The following SEMA5A variants were observed in gnomAD, a reference collection of about 807,000 sequenced individuals.
SEMA5A encodes the protein semaphorin-5A.
Under a neutral mutation model 135.5 loss-of-function variants are expected in SEMA5A, and 55 were observed. That is an observed-to-expected ratio of 0.41 (90% confidence interval 0.33 to 0.51). The LOEUF (loss-of-function observed/expected upper bound fraction) is 0.51, where lower values mean the gene tolerates loss of function less well. Among genes scored for constraint, SEMA5A ranks in the 20% least tolerant of loss-of-function variants. SEMA5A has a pLI of 0.37. For synonymous variants in SEMA5A, 580 were observed against 546.5 expected (o/e 1.06, Z -0.85); for missense variants, 1,290 against 1,419.9 (o/e 0.91, Z 1.47).
chr5:9,143,942 A>AC (rs1380085286), intron 12 of SEMA5A, among the ~76,000 whole-genome samples: 1 of 152,218 alleles, frequency 6.6e-6, no homozygotes, highest in African/African-American at 2.4e-5. Flanking sequence ...GTACCAGGGG[A>AC]CCAAAACCAG....
At chr5:9,353,553 G>A (rs2126317554) in intron 3 of SEMA5A, among the ~76,000 whole-genome samples, 1 of 152,230 alleles carries the variant, frequency 6.6e-6, no homozygotes, top group South Asian at 2.1e-4. Flanking sequence ...GATTAGCTTA[G>A]AAAGAGCCCC....
chr5:9,318,540 A>G, intron 4 of SEMA5A, 123 bp from the exon 5 acceptor site: 1 of 769,838 alleles, frequency 1.3e-6, no homozygotes, highest in Non-Finnish European at 2.1e-6. Context: ...CTTTCTAAGA[A>G]TATGTTCAGC....
At chr5:9,293,541 T>G (rs1751188697) in intron 5 of SEMA5A, among the ~76,000 whole-genome samples, 1 of 152,246 alleles carries the variant, frequency 6.6e-6, no homozygotes, top group African/African-American at 2.4e-5. Flanking sequence ...ATTGCTGCTT[T>G]TTAACAGTAG....
intron 2 of SEMA5A, among the ~76,000 whole-genome samples, chr5:9,412,975 G>A (rs1290086704): frequency 1.3e-5 from 2 of 152,064 alleles, no homozygotes; most frequent in East Asian, 3.9e-4. Context: ...ACAATCTCTG[G>A]TGTTTCGTTC....
chr5:9,240,736 C>A (rs891912865), intron 5 of SEMA5A, among the ~76,000 whole-genome samples: 61 of 151,996 alleles, frequency 4.0e-4, no homozygotes, highest in African/African-American at 1.4e-3. Context: ...CTTAATCAAG[C>A]CTTCTCTTTC....
At chr5:9,401,998 T>C (rs538128756) in intron 2 of SEMA5A, among the ~76,000 whole-genome samples, 1 of 152,310 alleles carries the variant, frequency 6.6e-6, no homozygotes, top group Admixed American at 6.5e-5. Flanking sequence ...GAAAATTGTG[T>C]CCTTATTTGC....
At chr5:9,075,330 C>T (rs1737988838) in intron 16 of SEMA5A, among the ~76,000 whole-genome samples, 1 of 152,100 alleles carries the variant, frequency 6.6e-6, no homozygotes, top group Admixed American at 6.5e-5. Context: ...TCTATATTTA[C>T]CCAAGAGAAA....
At chr5:9,460,451 A>C (rs1463996180) in intron 1 of SEMA5A, among the ~76,000 whole-genome samples, 1 of 152,176 alleles carries the variant, frequency 6.6e-6, no homozygotes, top group Non-Finnish European at 1.5e-5. Context: ...CAGATACTAA[A>C]GTATTTTTAA....
chr5:9,475,163 C>T (rs1759623833), intron 1 of SEMA5A, among the ~76,000 whole-genome samples: 1 of 152,194 alleles, frequency 6.6e-6, no homozygotes, highest in Non-Finnish European at 1.5e-5. Flanking sequence ...AACTCCTGAC[C>T]TCAGGTGATC....
At chr5:9,245,667 A>G (rs1579701288) in intron 5 of SEMA5A, among the ~76,000 whole-genome samples, 1 of 152,312 alleles carries the variant, frequency 6.6e-6, no homozygotes, top group East Asian at 1.9e-4. Context: ...TGTCACAGTA[A>G]AAGTTAATTT....
At chr5:9,089,855 G>A (rs1376711707) in intron 16 of SEMA5A, among the ~76,000 whole-genome samples, 1 of 152,176 alleles carries the variant, frequency 6.6e-6, no homozygotes, top group Non-Finnish European at 1.5e-5. Flanking sequence ...ATTAGGATGA[G>A]TGTTAAACTT....
chr5:9,326,029 A>T (rs1048598729), intron 4 of SEMA5A, among the ~76,000 whole-genome samples: 3 of 152,236 alleles, frequency 2.0e-5, no homozygotes, highest in East Asian at 1.9e-4. Flanking sequence ...ATCACGAAAC[A>T]ATCCAAAGAC....
At chr5:9,068,646 G>A (rs1396784654) in intron 16 of SEMA5A, among the ~76,000 whole-genome samples, 1 of 152,124 alleles carries the variant, frequency 6.6e-6, no homozygotes, top group Non-Finnish European at 1.5e-5. Context: ...AGGTATGGAG[G>A]TCTGATAACT....
intron 16 of SEMA5A, among the ~76,000 whole-genome samples, chr5:9,106,399 A>C (rs897627839): frequency 6.6e-6 from 1 of 152,244 alleles, no homozygotes; most frequent in African/African-American, 2.4e-5. Context: ...AAAATGCTAC[A>C]TTATTGCTTA....
At chr5:9,376,456 C>A (rs1268173713) in intron 3 of SEMA5A, among the ~76,000 whole-genome samples, 1 of 152,178 alleles carries the variant, frequency 6.6e-6, no homozygotes, top group East Asian at 1.9e-4. Flanking sequence ...ATCCTAGAAA[C>A]CTTTTTCAAC....
chr5:9,472,611 G>C (rs1370404121), intron 1 of SEMA5A, among the ~76,000 whole-genome samples: 1 of 149,100 alleles, frequency 6.7e-6, no homozygotes, highest in African/African-American at 2.4e-5. Flanking sequence ...TGAGGAAGCA[G>C]TCAAGAAAAC....
chr5:9,036,594 A>G lies in SEMA5A; in HGVS notation c.*6303T>C, dbSNP rs961860508. On this transcript the variant is annotated 3_prime_UTR_variant, in exon 23 of 23. Coordinates refer to ENST00000382496, the MANE Select transcript of SEMA5A (RefSeq NM_003966.3). ...AAAAATTAAAGTGATGTTAGTTTCT[A>G]GAAGGCTAATACTGAAGTCACCTCT... 3.3e-5 allele frequency: 5 copies of G among 152,380 alleles called. No individual in the cohort carries two copies. Among genetic ancestry groups the G allele is most frequent in the African/African-American group, 1.2e-4 (5 of 41,446 alleles). 9.4% of individuals were successfully genotyped at this position (152,380 alleles called of 1,614,324 possible).
At chr5:9,353,354 G>GAAGGGAAGGA (rs1754288972) in intron 3 of SEMA5A, among the ~76,000 whole-genome samples, 6 of 54,366 alleles carry the variant, frequency 1.1e-4, no homozygotes, top group Non-Finnish European at 2.2e-4. Flanking sequence ...AAAGGAAAGG[G>GAAGGGAAGGA]AAGGAAAGGA....
At chr5:9,281,522 T>A (rs1750540116) in intron 5 of SEMA5A, among the ~76,000 whole-genome samples, 1 of 152,130 alleles carries the variant, frequency 6.6e-6, no homozygotes, top group Admixed American at 6.5e-5. Flanking sequence ...GCGTAAAAAG[T>A]CAACTGTGCC....
Sources: gnomAD v4.1 joint callset for allele counts (sites outside exome capture counted in the v4.1 genomes callset) on GRCh38, gnomAD v4.1.1 for gene constraint, MANE v1.5 for transcripts, NCBI Gene and HGNC (gene_info 2026-07-23, HGNC 2026-07-21) for gene names.